Variants in NAA25 observed in about 807,000 individuals in gnomAD.
NAA25 encodes N-terminal acetyltransferase B complex subunit NAA25.
A neutral mutation model predicts 132.5 loss-of-function variants in NAA25; 30 were observed. The ratio of observed to expected loss-of-function variants is 0.23; its 90% CI spans 0.17 to 0.31. NAA25 has a LOEUF of 0.31. Ranked by LOEUF, NAA25 falls within the 10% of genes least tolerant of loss-of-function variation. The pLI is 1.00. For missense variants in NAA25, 771 were observed against 1,150.4 expected (o/e 0.67, Z 4.77); for synonymous variants, 359 against 401.9 (o/e 0.89, Z 1.28).
intron 9 of NAA25, among the ~76,000 whole-genome samples, 160 bp downstream of exon 9, chr12:112,074,515 C>A (rs1441242582): frequency 6.6e-6 from 1 of 151,954 alleles, no homozygotes; most frequent in African/African-American, 2.4e-5. Context: ...TTAGAATGAA[C>A]TTGTGTATTT....
Position 112,042,044 on chromosome 12 carries a change from A to G in NAA25, c.2435T>C (p.Leu812Ser). 1 of 1,479,096 alleles carries G rather than the reference A, an allele frequency of 6.8e-7. No individual in the cohort carries two copies. The allele number at this position is 1,479,096 out of a possible 1,614,324, so 91.6% of individuals were successfully genotyped here. A position where few individuals can be genotyped will look rare whatever the true frequency, so the allele number is the denominator to read the frequency against. ...ENSFKSLLDQ[L>S]KDVFSKCKGD... The stretch of plus-strand genomic sequence containing the variant: ...TCTACAGTAGGAAAACTTACCTTTT[A>G]ACTGGTCTAGTAAAGACTTAAAACT... The change falls in exon 20 of 24, where the codon TTA becomes TCA. Residue 812 changes from leucine (L) to serine (S), a missense_variant. Transcript: ENST00000261745.
intron 23 of NAA25, among the ~76,000 whole-genome samples, chr12:112,031,668 A>G (rs2078152221): frequency 6.6e-6 from 1 of 152,044 alleles, no homozygotes; most frequent in African/African-American, 2.4e-5. Context: ...CAACCACTTG[A>G]TAGTCACAAC....
intron 13 of NAA25, among the ~76,000 whole-genome samples, chr12:112,055,642 G>A (rs1255172770): frequency 6.6e-6 from 1 of 151,870 alleles, no homozygotes; most frequent in East Asian, 1.9e-4. Flanking sequence ...GGAGGTTGAG[G>A]CTGCAGTGAG....
In NAA25 at chr12:112,083,440, G is replaced by A. The variant is rs4767361; in HGVS notation, c.403-2306C>T. On this transcript the variant is annotated intron_variant, in intron 4 of 23. Coordinates refer to ENST00000261745, the MANE Select transcript of NAA25 (RefSeq NM_024953.4). ...GAATCGCTTGAACCCAGGAGGTGGAGGTTGCAGTGGGCCGGAATTGCACCA... is the reference window on the plus strand; with the variant it reads ...GAATCGCTTGAACCCAGGAGGTGGAAGTTGCAGTGGGCCGGAATTGCACCA... Among the ~76,000 whole-genome samples, 8,411 of 152,110 alleles carry A rather than the reference G, an allele frequency of 0.055. 1,290 individuals are homozygous for A. The East Asian group carries it at 0.61, about 11-fold the overall frequency.
chr12:112,090,509 C>A, intron 3 of NAA25: 1 of 418,200 alleles, frequency 2.4e-6, no homozygotes, highest in South Asian at 5.7e-5. Flanking sequence ...ATCAAAATAT[C>A]ACAAATGAAG....
intron 2 of NAA25, among the ~76,000 whole-genome samples, chr12:112,091,952 A>T (rs192325701): frequency 1.3e-5 from 2 of 152,340 alleles, no homozygotes; most frequent in East Asian, 3.9e-4. Context: ...TTTTACTGAA[A>T]TATCACAGCC....
At position 112,027,878 on chromosome 12, in the gene NAA25, C is replaced by T. The variant is rs1219727080; in HGVS notation, c.*1653G>A. On this transcript the variant is annotated 3_prime_UTR_variant, in exon 24 of 24. Coordinates refer to ENST00000261745, the MANE Select transcript of NAA25 (RefSeq NM_024953.4). Reference sequence around the variant, plus strand: ...AATTTTCCATTCATCTTGTTCAAGACAGTTCTTCCTTTTGGGATAGGGTAT... The same window carrying T: ...AATTTTCCATTCATCTTGTTCAAGATAGTTCTTCCTTTTGGGATAGGGTAT... The T allele has an allele frequency of 6.6e-6, 1 of 152,204 alleles. No homozygotes were observed. The highest frequency in any genetic ancestry group is 1.5e-5 in the Non-Finnish European group (1 of 68,036). 9.4% of individuals were successfully genotyped at this position (152,204 alleles called of 1,614,324 possible).
At position 112,033,451 on chromosome 12, in the gene NAA25, T is replaced by A. The variant is rs551354833; in HGVS notation, c.2650-72A>T. 5.3e-5 allele frequency: 73 copies of A among 1,378,566 alleles called. 2 individuals carry two copies. In the South Asian group the frequency reaches 1.0e-3, roughly 19 times the overall value. 85.4% of individuals were successfully genotyped at this position (1,378,566 alleles called of 1,614,324 possible). On this transcript the variant is annotated intron_variant, in intron 22 of 23. Transcript: ENST00000261745. ...CCCATATCTACATCACAAAAGCTAC[T>A]GAAAGATGTGAGGGAATTTAAATAG...
chr12:112,100,720 C>T (rs1206649871), intron 1 of NAA25, among the ~76,000 whole-genome samples: 4 of 150,734 alleles, frequency 2.7e-5, no homozygotes, highest in Admixed American at 6.6e-5. Context: ...CCCGGGCTCA[C>T]GCCATTCTCC....
intron 22 of NAA25, chr12:112,033,920 A>G (rs1031396421): frequency 6.6e-6 from 1 of 152,200 alleles, no homozygotes; most frequent in African/African-American, 2.4e-5. Flanking sequence ...AATAGAAGAC[A>G]TATCAAAGAA....
chr12:112,086,846 T>C (rs1048190797), intron 4 of NAA25, among the ~76,000 whole-genome samples: 2 of 151,922 alleles, frequency 1.3e-5, no homozygotes, highest in African/African-American at 4.8e-5. Flanking sequence ...ACCCTGTCTC[T>C]ATTAAAAATA....
chr12:112,072,450 G>T (rs1164844122), intron 9 of NAA25, among the ~76,000 whole-genome samples: 1 of 151,250 alleles, frequency 6.6e-6, no homozygotes, highest in African/African-American at 2.4e-5. Flanking sequence ...TCTACTAAAA[G>T]TATAAAAAAC....
At chr12:112,070,739 A>G (rs1032732136) in intron 10 of NAA25, among the ~76,000 whole-genome samples, 12 of 150,898 alleles carry the variant, frequency 8.0e-5, no homozygotes, top group Admixed American at 2.0e-4. Flanking sequence ...CCACGCTCAG[A>G]TAATTTTTTG....
intron 21 of NAA25, 136 bp downstream of exon 21, chr12:112,040,345 C>A: frequency 1.9e-6 from 1 of 526,674 alleles, no homozygotes; most frequent in Non-Finnish European, 3.4e-6. Context: ...ATTTAAATTG[C>A]TTTTCAATTA....
chr12:112,027,637 AT>A lies in NAA25; in HGVS notation c.*1893del, dbSNP rs927220930. ...CAAGGCTAGCCCACTGAACATACATATGCTAGATTGATCATGGTCAGTCGAT... is the reference window on the plus strand; with the variant it reads ...CAAGGCTAGCCCACTGAACATACATAGCTAGATTGATCATGGTCAGTCGAT... On this transcript the variant is annotated 3_prime_UTR_variant, in exon 24 of 24. Coordinates refer to ENST00000261745, the MANE Select transcript of NAA25 (RefSeq NM_024953.4). The A allele has an allele frequency of 2.6e-5, 4 of 152,236 alleles. No homozygotes were observed. Among genetic ancestry groups the A allele is most frequent in the African/African-American group, 9.7e-5 (4 of 41,434 alleles). The allele number at this position is 152,236 out of a possible 1,614,324, so 9.4% of individuals were successfully genotyped here.
rs1186834744 is a variant in NAA25, at chr12:112,049,043, G to A, written c.1729-600C>T. ...AAATTCATGTCATAATCTATTCTGA[G>A]GACAAAGACTTCAAGAACCAAGTTT... On this transcript the variant is annotated intron_variant, in intron 15 of 23. Coordinates refer to ENST00000261745, the MANE Select transcript of NAA25 (RefSeq NM_024953.4). This position sits in a 1 kb window ranked among gnomAD's most constrained non-coding sequence, Gnocchi z 4.7. Among the ~76,000 whole-genome samples, 2 of 152,140 alleles carry A rather than the reference G, an allele frequency of 1.3e-5. No individual in the cohort carries two copies. The highest frequency in any genetic ancestry group is 4.8e-5 in the African/African-American group (2 of 41,414).
chr12:112,060,772 C>T (rs1203907935), intron 12 of NAA25, among the ~76,000 whole-genome samples: 1 of 152,192 alleles, frequency 6.6e-6, no homozygotes, highest in Non-Finnish European at 1.5e-5. Flanking sequence ...TCACATATAT[C>T]TAGCAAAGGC....
chr12:112,077,013 C>CA (rs927211728), intron 7 of NAA25, among the ~76,000 whole-genome samples: 39 of 144,958 alleles, frequency 2.7e-4, no homozygotes, highest in East Asian at 2.2e-3. Flanking sequence ...ACAACAACAA[C>CA]AAAAAAAAAC....
intron 11 of NAA25, among the ~76,000 whole-genome samples, chr12:112,066,425 A>C (rs1439876688): frequency 6.6e-6 from 1 of 152,216 alleles, no homozygotes. Context: ...AGTATTTGAG[A>C]GAATTCTCAC....
Sources: gnomAD v4.1 joint callset for allele counts (sites outside exome capture counted in the v4.1 genomes callset) on GRCh38, gnomAD v4.1.1 for gene constraint, Gnocchi (gnomAD v3.1) non-coding constraint, MANE v1.5 for transcripts, NCBI Gene and HGNC (gene_info 2026-07-23, HGNC 2026-07-21) for gene names.